Variants in TNRC18 observed in about 807,000 individuals in gnomAD.
TNRC18 encodes trinucleotide repeat containing 18, also known as trinucleotide repeat-containing gene 18 protein.
A neutral mutation model predicts 226.7 loss-of-function variants in TNRC18; 69 were observed. The observed-to-expected ratio is 0.30, with a 90% CI of 0.25 to 0.37. The LOEUF is 0.37. Ranked by LOEUF, TNRC18 falls within the 10% of genes least tolerant of loss-of-function variation. The pLI, the probability that TNRC18 is intolerant of heterozygous loss-of-function variation, is 1.00. For missense variants in TNRC18, 4,754 were observed against 4,256.6 expected (o/e 1.12, Z -3.25); for synonymous variants, 2,449 against 1,927.6 (o/e 1.27, Z -7.09).
intron 5 of TNRC18, among the ~76,000 whole-genome samples, chr7:5,381,909 T>C (rs552926632): frequency 1.3e-5 from 2 of 152,108 alleles, no homozygotes; most frequent in African/African-American, 2.4e-5. Context: ...GAGGTTGCAG[T>C]GAGCCAAGAT....
Position 5,370,484 on chromosome 7 carries a change from C to A in TNRC18, c.4110G>T (p.Lys1370Asn). Residue 1370 changes from lysine to asparagine, a missense_variant, in exon 11 of 30, where the codon AAG (lysine) becomes AAT (asparagine). Lys to Asn is a moderately conservative substitution (Grantham distance 94, BLOSUM62 0). Coordinates refer to ENST00000430969, the MANE Select transcript of TNRC18 (RefSeq NM_001080495.3). ...AGACAAGGCTCTCGGCTGCTTCCAGCTTCTCCAAGGCCTGGGCTCCAGCAG... is the reference window on the plus strand; with the variant it reads ...AGACAAGGCTCTCGGCTGCTTCCAGATTCTCCAAGGCCTGGGCTCCAGCAG... ...PGAAGAQALE[K>N]LEAAESLVLE... 1 of 1,588,722 alleles carries A rather than the reference C, an allele frequency of 6.3e-7. No homozygotes were observed.
In TNRC18 at chr7:5,419,982, A is replaced by ATT. The variant is rs79807986; in HGVS notation, c.187+1076_187+1077dup. On this transcript the variant is annotated intron_variant, in intron 2 of 29. Transcript: ENST00000430969. ...AAACTGCAATTCGAACAGGAGGTGG[A>ATT]TTTTTTTTTTTTTTTAAGTCGAGAC... 3.6e-3 allele frequency: 550 copies of ATT among 152,280 alleles called. 2 individuals are homozygous for ATT. Among genetic ancestry groups the ATT allele is most frequent in the African/African-American group, 0.012 (492 of 39,808 alleles). The allele number at this position is 152,280 out of a possible 1,614,324, so 9.4% of individuals were successfully genotyped here. A position where few individuals can be genotyped will look rare whatever the true frequency, so the allele number is the denominator to read the frequency against.
intron 2 of TNRC18, among the ~76,000 whole-genome samples, chr7:5,400,190 C>G (rs988244795): frequency 5.9e-5 from 9 of 152,236 alleles, no homozygotes; most frequent in Admixed American, 5.9e-4. Context: ...AGCCATTGAG[C>G]CTGGTCTATG....
At chr7:5,380,595 G>T (rs567363999) in intron 5 of TNRC18, among the ~76,000 whole-genome samples, 3 of 152,174 alleles carry the variant, frequency 2.0e-5, no homozygotes, top group African/African-American at 7.2e-5. Context: ...TGACGAGGGC[G>T]CCTGGACACG....
intron 19 of TNRC18, among the ~76,000 whole-genome samples, chr7:5,331,381 G>C (rs747326829): frequency 6.6e-6 from 1 of 152,098 alleles, no homozygotes; most frequent in Non-Finnish European, 1.5e-5. Flanking sequence ...TCTTAATCTG[G>C]GGTGTTCATA....
chr7:5,360,770 G>A (rs545869297), intron 14 of TNRC18, among the ~76,000 whole-genome samples: 4 of 152,158 alleles, frequency 2.6e-5, no homozygotes, highest in South Asian at 2.1e-4. Context: ...TCCTCTCTTC[G>A]GTCAGAAACA....
At position 5,370,769 on chromosome 7, in the gene TNRC18, G is replaced by A. The variant is rs781695630; in HGVS notation, c.3825C>T (p.Pro1275=). 31 of 1,603,176 alleles carry A rather than the reference G, an allele frequency of 1.9e-5. No individual in the cohort carries two copies. Among genetic ancestry groups the A allele is most frequent in the Middle Eastern group, 1.7e-4 (1 of 6,050 alleles). ...PVAVPVVEAV[P]EEGLAQVAPS... ...GTGCCACCTGCGCCAGGCCTTCCTC[G>A]GGCACTGCCTCCACCACGGGCACCG... The change falls in exon 11 of 30, where the codon CCC becomes CCT. Residue 1275 remains proline (P), a synonymous_variant. Coordinates refer to ENST00000430969, the MANE Select transcript of TNRC18 (RefSeq NM_001080495.3).
rs541920779 is a variant in TNRC18 at position 5,346,878 on chromosome 7, C to T, written c.5471-1068G>A. The stretch of plus-strand genomic sequence containing the variant: ...AATCGAACAGAAACAGGGCCACCCC[C>T]GTGACTTGCAGGCAGGAACTGTGCT... On this transcript the variant is annotated intron_variant, in intron 17 of 29. Transcript: ENST00000430969. Among the ~76,000 whole-genome samples the T allele has an allele frequency of 2.2e-4, 33 of 152,346 alleles. No individual in the cohort carries two copies. The South Asian group carries it at 2.3e-3, about 11-fold the overall frequency.
At chr7:5,383,981 T>TTC (rs1562588631) in intron 5 of TNRC18, among the ~76,000 whole-genome samples, 1 of 148,714 alleles carries the variant, frequency 6.7e-6, no homozygotes. Context: ...TTTTTTTTTT[T>TTC]TGAGATAGAG....
At chr7:5,317,310 C>A (rs1408515798) in intron 24 of TNRC18, among the ~76,000 whole-genome samples, 1 of 152,122 alleles carries the variant, frequency 6.6e-6, no homozygotes, top group African/African-American at 2.4e-5. Flanking sequence ...TAAAATGAGG[C>A]CTGGCGCAGT....
At chr7:5,319,711 G>A (rs572378303) in intron 24 of TNRC18, among the ~76,000 whole-genome samples, 8 of 152,240 alleles carry the variant, frequency 5.3e-5, no homozygotes, top group South Asian at 2.1e-4. Context: ...GTTTTACCAC[G>A]TTGGCCAAGC....
rs1248602140 is a variant in TNRC18, at chr7:5,370,910, T to A, written c.3684A>T (p.Pro1228=). Reference sequence around the variant, plus strand: ...CTGTCCGGCCCGGGGAATCCACCCGTGGTTCAGGCCCCTCCACAAAGTCTG... The same window carrying A: ...CTGTCCGGCCCGGGGAATCCACCCGAGGTTCAGGCCCCTCCACAAAGTCTG... The part of the protein sequence containing the change: ...ECPDFVEGPE[P]RVDSPGRTEP... The change falls in exon 11 of 30, where the codon CCA becomes CCT. Residue 1228 remains proline, a synonymous_variant. Transcript: ENST00000430969. 4.4e-6 allele frequency: 7 copies of A among 1,605,716 alleles called. No individual in the cohort carries two copies. Among genetic ancestry groups the A allele is most frequent in the Non-Finnish European group, 5.1e-6 (6 of 1,179,702 alleles).
chr7:5,391,957 A>C (rs757343507), intron 3 of TNRC18, among the ~76,000 whole-genome samples: 1 of 151,406 alleles, frequency 6.6e-6, no homozygotes, highest in Non-Finnish European at 1.5e-5. Context: ...GCCTAAGCCC[A>C]GAGTCCTATG....
chr7:5,418,351 CAGAG>C (rs558941386), intron 2 of TNRC18, among the ~76,000 whole-genome samples: 1 of 152,210 alleles, frequency 6.6e-6, no homozygotes, highest in Non-Finnish European at 1.5e-5. Flanking sequence ...TCCTCTTCTG[CAGAG>C]AAAGAGGCCA....
At chr7:5,321,586 T>G (rs924052697) in intron 21 of TNRC18, among the ~76,000 whole-genome samples, 7 of 152,168 alleles carry the variant, frequency 4.6e-5, no homozygotes, top group African/African-American at 1.7e-4. Flanking sequence ...GCGACGATCC[T>G]CCATCATGAT....
chr7:5,382,552 G>C (rs376441865), intron 5 of TNRC18, among the ~76,000 whole-genome samples: 20 of 152,208 alleles, frequency 1.3e-4, no homozygotes, highest in African/African-American at 3.6e-4. Flanking sequence ...AAGCGGATCG[G>C]GGGGGAGTGA....
intron 26 of TNRC18, 123 bp downstream of exon 26, chr7:5,314,861 C>A (rs1454692963): frequency 8.9e-7 from 1 of 1,128,254 alleles, no homozygotes; most frequent in Middle Eastern, 3.0e-4. Context: ...GTGTGAGGCA[C>A]TGCACCCGGC....
chr7:5,410,160 A>C (rs1322262270), intron 2 of TNRC18, among the ~76,000 whole-genome samples: 2 of 150,382 alleles, frequency 1.3e-5, no homozygotes, highest in Admixed American at 6.7e-5. Context: ...AAAATACAAA[A>C]ATTAGCCAGG....
chr7:5,362,880 A>C, intron 11 of TNRC18, 55 bp from the exon 12 acceptor site: 4 of 1,432,888 alleles, frequency 2.8e-6, no homozygotes, highest in Non-Finnish European at 3.7e-6. Context: ...CCCAACCCCA[A>C]ACGGGGATGC....
Sources: gnomAD v4.1 joint callset for allele counts (sites outside exome capture counted in the v4.1 genomes callset) on GRCh38, gnomAD v4.1.1 for gene constraint, MANE v1.5 for transcripts, NCBI Gene and HGNC (gene_info 2026-07-23, HGNC 2026-07-21) for gene names.